The following WDR3 variants were observed in gnomAD, a reference collection of about 807,000 sequenced individuals.
WDR3 encodes WD repeat-containing protein 3.
Under a neutral mutation model 123.7 loss-of-function variants are expected in WDR3, and 81 were observed. That is an observed-to-expected ratio of 0.65 (90% CI 0.55 to 0.79). WDR3 has a LOEUF of 0.79. WDR3 is among the 30% of genes least tolerant of loss of function. The pLI is 0.00. For missense variants in WDR3, 1,027 were observed against 1,123.2 expected (o/e 0.91, Z 1.22); for synonymous variants, 390 against 388.8 (o/e 1.00, Z -0.04).
rs761861936 is a variant in WDR3 at position 117,963,779 on chromosome 1, C to T, written c.*4332C>T. ...ATTTGAATGCTTGACAATCAAATTC[C>T]CATTTATTACTTACTGTACCTAATG... is the stretch of plus-strand genomic sequence containing the variant. On this transcript the variant is annotated 3_prime_UTR_variant, in exon 27 of 27. Transcript: ENST00000349139. 6.9e-6 allele frequency: 11 copies of T among 1,589,556 alleles called. No individual in the cohort carries two copies. The Admixed American group carries it at 1.9e-4, about 28-fold the overall frequency.
chr1:117,959,216 A>G (rs2101324764), intron 26 of WDR3, 76 bp from the exon 27 acceptor site: 2 of 1,512,854 alleles, frequency 1.3e-6, no homozygotes, highest in Non-Finnish European at 8.9e-7. Flanking sequence ...AGCTTTGGTT[A>G]CCCTAACTCT....
chr1:117,959,123 ATAGTTTTTGT>A, intron 26 of WDR3, 120 bp downstream of exon 26: 1 of 1,295,802 alleles, frequency 7.7e-7, no homozygotes, highest in Non-Finnish European at 1.1e-6. Context: ...CATATTTGAG[ATAGTTTTTGT>A]TAGAATTAGT....
rs1652932552 is a variant in WDR3, at chr1:117,960,538, T to C, written c.*1091T>C. The C allele has an allele frequency of 6.6e-6, 1 of 152,266 alleles. No individual in the cohort carries two copies. Among genetic ancestry groups the C allele is most frequent in the Non-Finnish European group, 1.5e-5 (1 of 68,066 alleles). The allele number at this position is 152,266 out of a possible 1,614,324, so 9.4% of individuals were successfully genotyped here. A position where few individuals can be genotyped will look rare whatever the true frequency, so the allele number is the denominator to read the frequency against. ...ATCAAGCATCAGCTTTTTCTTGTAA[T>C]GTCATGACTTTTCTCTGCTTTTTGG... is the stretch of plus-strand genomic sequence containing the variant. On this transcript the variant is annotated 3_prime_UTR_variant, in exon 27 of 27. Transcript: ENST00000349139.
In WDR3 at chr1:117,959,523, C is replaced by A; in HGVS notation, c.*76C>A. 2.9e-6 allele frequency: 4 copies of A among 1,387,656 alleles called. No homozygotes were observed. Among genetic ancestry groups the A allele is most frequent in the Admixed American group, 5.9e-5 (2 of 33,886 alleles). 86.0% of individuals were successfully genotyped at this position (1,387,656 alleles called of 1,614,324 possible). On this transcript the variant is annotated 3_prime_UTR_variant, in exon 27 of 27. Coordinates refer to ENST00000349139, the MANE Select transcript of WDR3 (RefSeq NM_006784.3). Reference sequence around the variant, plus strand: ...CCTAAACTAAGCACAGAAGAGTTGGCGTCATCTTAAAAATACCAAATAACA... The same window carrying A: ...CCTAAACTAAGCACAGAAGAGTTGGAGTCATCTTAAAAATACCAAATAACA...
Position 117,963,712 on chromosome 1 carries a change from A to C in WDR3, c.*4265A>C. On this transcript the variant is annotated 3_prime_UTR_variant, in exon 27 of 27. Transcript: ENST00000349139. ...AGGCCAGGTGGCTTATAGGTTTCTG[A>C]CTATAAGAAGAGGGGAAGAAACCTG... The C allele has an allele frequency of 7.9e-7, 1 of 1,272,168 alleles. No individual in the cohort carries two copies. The allele number at this position is 1,272,168 out of a possible 1,614,324, so 78.8% of individuals were successfully genotyped here.
Position 117,966,499 on chromosome 1 carries a change from T to A in WDR3, c.*7052T>A, listed in dbSNP as rs1249262797. ...TTTGTCTTAATAAATTTAACTCTGA[T>A]TTTGAAGATAGAATTAATAAAGTAG... On this transcript the variant is annotated 3_prime_UTR_variant, in exon 27 of 27. Transcript: ENST00000349139. The A allele has an allele frequency of 2.8e-5, 31 of 1,106,546 alleles. No individual in the cohort carries two copies. The highest frequency in any genetic ancestry group is 3.7e-5 in the Non-Finnish European group (30 of 806,730). 68.5% of individuals were successfully genotyped at this position (1,106,546 alleles called of 1,614,324 possible). A position where few individuals can be genotyped will look rare whatever the true frequency, so the allele number is the denominator to read the frequency against.
intron 16 of WDR3, 44 bp from the exon 17 acceptor site, chr1:117,951,932 G>C: frequency 6.5e-7 from 1 of 1,544,544 alleles, no homozygotes; most frequent in South Asian, 1.1e-5. Context: ...ATTCATATAC[G>C]GAATTCAAAA....
intron 1 of WDR3, 74 bp downstream of exon 1, chr1:117,929,856 C>A (rs1470439582): frequency 6.6e-6 from 1 of 152,448 alleles, no homozygotes; most frequent in Admixed American, 6.5e-5. Flanking sequence ...CTGGCTGAGG[C>A]GTTCGTGATG....
chr1:117,953,896 A>G (rs997365214), intron 21 of WDR3, 111 bp from the exon 22 acceptor site: 3 of 876,386 alleles, frequency 3.4e-6, no homozygotes, highest in Non-Finnish European at 5.4e-6. Flanking sequence ...TCTTTATTAA[A>G]CAGATTGAAG....
chr1:117,941,898 C>T, intron 9 of WDR3, 51 bp downstream of exon 9: 2 of 1,510,762 alleles, frequency 1.3e-6, no homozygotes, highest in Non-Finnish European at 1.8e-6. Context: ...GGGTAGGCCC[C>T]ATGTTACTGA....
chr1:117,941,211 A>G lies in WDR3; in HGVS notation c.877A>G (p.Ile293Val), dbSNP rs894679430. Residue 293 changes from isoleucine (I) to valine (V), a missense_variant, in exon 8 of 27, where the codon ATT (isoleucine) becomes GTT (valine). Physicochemically the swap from Ile to Val is conservative, Grantham distance 29. Transcript: ENST00000349139. ...VNLAVDKTGRILACHGTDSVL... is the reference protein window; with the variant it reads ...VNLAVDKTGRVLACHGTDSVL... ...CCTTGCAGTCGACAAGACAGGCAGGATTCTTGCTTGCCATGTGAGTACCAT... is the reference window on the plus strand; with the variant it reads ...CCTTGCAGTCGACAAGACAGGCAGGGTTCTTGCTTGCCATGTGAGTACCAT... The G allele has an allele frequency of 9.3e-6, 15 of 1,614,024 alleles. No homozygotes were observed. Among genetic ancestry groups the G allele is most frequent in the Middle Eastern group, 1.6e-4 (1 of 6,084 alleles).
At position 117,960,792 on chromosome 1, in the gene WDR3, G is replaced by T. The variant is rs1369824584; in HGVS notation, c.*1345G>T. On this transcript the variant is annotated 3_prime_UTR_variant, in exon 27 of 27. Transcript: ENST00000349139. ...TACATTTCTCCCAAAACTGTGAATT[G>T]CACCATGTATGATCTGTATTTGTGT... 1 of 152,174 alleles carries T rather than the reference G, an allele frequency of 6.6e-6. No individual in the cohort carries two copies. Among genetic ancestry groups the T allele is most frequent in the Non-Finnish European group, 1.5e-5 (1 of 68,036 alleles). The allele number at this position is 152,174 out of a possible 1,614,324, so 9.4% of individuals were successfully genotyped here.
rs1202876471 is a variant in WDR3 at position 117,963,366 on chromosome 1, CTTT to C, written c.*3932_*3934del. Reference sequence around the variant, plus strand: ...GTATAGTTATTTAAACAAATATTTTCTTTTTTTTTTTTTTTGAGACAGAGTCTC... The same window carrying C: ...GTATAGTTATTTAAACAAATATTTTCTTTTTTTTTTTTGAGACAGAGTCTC... On this transcript the variant is annotated 3_prime_UTR_variant, in exon 27 of 27. Transcript: ENST00000349139. The C allele has an allele frequency of 4.2e-5, 6 of 141,384 alleles. No individual in the cohort carries two copies. The highest frequency in any genetic ancestry group is 6.2e-5 in the Non-Finnish European group (4 of 64,282). 8.8% of individuals were successfully genotyped at this position (141,384 alleles called of 1,614,324 possible). A position where few individuals can be genotyped will look rare whatever the true frequency, so the allele number is the denominator to read the frequency against.
chr1:117,952,654 A>C lies in WDR3; in HGVS notation c.2143A>C (p.Arg715=). 1 of 1,612,484 alleles carries C rather than the reference A, an allele frequency of 6.2e-7. No homozygotes were observed. The part of the protein sequence containing the change: ...TREPLILEEE[R]EMEREAEYEE... ...GGAGCCTCTTATTCTTGAGGAAGAA[A>C]GGGAGATGGTAAGAACTTTAGGCTT... Residue 715 remains arginine (R), a synonymous_variant, in exon 19 of 27, where the codon AGG becomes CGG. Coordinates refer to ENST00000349139, the MANE Select transcript of WDR3 (RefSeq NM_006784.3).
intron 25 of WDR3, among the ~76,000 whole-genome samples, chr1:117,958,256 GAGA>G (rs1243961305): frequency 3.3e-5 from 5 of 152,204 alleles, no homozygotes; most frequent in Non-Finnish European, 5.9e-5. Context: ...ATAGTAGCAA[GAGA>G]AGAAGAATAA....
intron 25 of WDR3, among the ~76,000 whole-genome samples, chr1:117,957,417 CATG>C (rs138600052): frequency 0.026 from 3,921 of 152,280 alleles, 163 homozygotes; most frequent in African/African-American, 0.087. Flanking sequence ...AAACAAGGAT[CATG>C]ATGACCCACC....
intron 13 of WDR3, 81 bp from the exon 14 acceptor site, chr1:117,949,670 T>C (rs1419262999): frequency 6.8e-7 from 1 of 1,468,550 alleles, no homozygotes; most frequent in Non-Finnish European, 9.3e-7. Context: ...AAAAATACTT[T>C]CTTAGACTTT....
chr1:117,949,999 T>C lies in WDR3; in HGVS notation c.1615T>C (p.Ser539Pro). 2 of 1,613,968 alleles carry C rather than the reference T, an allele frequency of 1.2e-6. No individual in the cohort carries two copies. The highest frequency in any genetic ancestry group is 1.7e-6 in the Non-Finnish European group (2 of 1,179,920). Residue 539 changes from serine (S) to proline (P), a missense_variant, in exon 15 of 27, where the codon TCT becomes CCT. Physicochemically the swap from Ser to Pro is moderately conservative, Grantham distance 74. Coordinates refer to ENST00000349139, the MANE Select transcript of WDR3 (RefSeq NM_006784.3). ...TGATGTTTTTTGTGGTGCTAGACTT[T>C]CTGTGAAGCAAACCCGAACTTTGCA... ...KDENSTQKRL[S>P]VKQTRTLQLD...
At chr1:117,931,801 T>C (rs1650744582) in intron 1 of WDR3, among the ~76,000 whole-genome samples, 1 of 152,252 alleles carries the variant, frequency 6.6e-6, no homozygotes, top group Admixed American at 6.5e-5. Context: ...ACCATGTTAA[T>C]ATTATCTTTC....
Sources: allele counts gnomAD v4.1 joint callset (sites outside exome capture counted in the v4.1 genomes callset), GRCh38; gene constraint gnomAD v4.1.1; transcripts MANE v1.5; gene names NCBI Gene and HGNC (gene_info 2026-07-23, HGNC 2026-07-21).